Variants in NLGN4X observed in about 807,000 individuals in gnomAD.
NLGN4X encodes neuroligin-4, X-linked.
Under a neutral mutation model 40.3 loss-of-function variants are expected in NLGN4X, and 3 were observed. The observed-to-expected ratio is 0.07, with a 90% CI of 0.03 to 0.19. The LOEUF (loss-of-function observed/expected upper bound fraction) is 0.19, where lower values mean the gene tolerates loss of function less well. NLGN4X is among the 10% of genes least tolerant of loss of function. The pLI is 1.00. For missense variants in NLGN4X, 382 were observed against 708.3 expected (o/e 0.54, Z 5.23); for synonymous variants, 270 against 306.8 (o/e 0.88, Z 1.25).
intron 3 of NLGN4X, among the ~76,000 whole-genome samples, chrX:5,917,238 T>C (rs947134544): frequency 2.7e-5 from 3 of 112,469 alleles, no homozygotes; most frequent in Non-Finnish European, 5.6e-5. Context: ...CCAGCACCAT[T>C]TGAAAGGTCA....
At chrX:6,051,655 T>A (rs1201714997) in intron 2 of NLGN4X, among the ~76,000 whole-genome samples, 1 of 111,292 alleles carries the variant, frequency 9.0e-6, no homozygotes, top group African/African-American at 3.3e-5. Context: ...ATTTTGGTCT[T>A]CTGGCCTCCA....
intron 1 of NLGN4X, among the ~76,000 whole-genome samples, chrX:6,154,996 C>T (rs938217819): frequency 1.8e-5 from 2 of 111,572 alleles, no homozygotes; most frequent in Non-Finnish European, 3.8e-5. Context: ...TTTTAAGATA[C>T]GTATTTAATT....
Position 5,955,673 on chromosome X carries a change from AT to A in NLGN4X, c.626-46435del, listed in dbSNP as rs759973627. Among the ~76,000 whole-genome samples, 100 of 108,764 alleles carry A rather than the reference AT, an allele frequency of 9.2e-4. 1 individual carries two copies. The East Asian group carries it at 0.023, about 25-fold the overall frequency. 94.4% of individuals were successfully genotyped at this position (108,764 alleles called of 115,157 possible). On this transcript the variant is annotated intron_variant, in intron 3 of 5. Transcript: ENST00000381095. ...AGAACATTAACAAAATTTAAGAAGT[AT>A]TTTTTTTTCAGAAATGCATTGTATG...
Position 6,065,904 on chromosome X carries a change from T to C in NLGN4X, c.473-36472A>G, listed in dbSNP as rs184355725. Among the ~76,000 whole-genome samples, 135 of 112,033 alleles carry C rather than the reference T, an allele frequency of 1.2e-3. 1 individual carries two copies. The highest frequency in any genetic ancestry group is 4.2e-3 in the Admixed American group (44 of 10,531). ...TAAATCAAAAGCCCCGAGAAATGCA[T>C]GTCAAATATGTTTAACATTTAATTC... is the stretch of plus-strand genomic sequence containing the variant. On this transcript the variant is annotated intron_variant, in intron 2 of 5. Transcript: ENST00000381095.
At chrX:6,176,183 G>A (rs369844676) in intron 1 of NLGN4X, among the ~76,000 whole-genome samples, 230 of 111,757 alleles carry the variant, frequency 2.1e-3, no homozygotes, top group Middle Eastern at 0.019. Context: ...ATCCAGTTGA[G>A]TGGACAGTAA....
intron 3 of NLGN4X, among the ~76,000 whole-genome samples, chrX:5,976,972 A>G (rs1316585461): frequency 8.9e-6 from 1 of 112,390 alleles, no homozygotes; most frequent in Non-Finnish European, 1.9e-5. Flanking sequence ...CTTTCTCATG[A>G]GCATGAGGAA....
rs745738049 is a variant in NLGN4X at position 6,208,330 on chromosome X, C to A, written c.-306+20211G>T. 2.7e-5 allele frequency among the ~76,000 whole-genome samples: 3 copies of A among 112,295 alleles called. No homozygotes were observed. In the East Asian group the frequency reaches 8.4e-4, roughly 31 times the overall value. On this transcript the variant is annotated intron_variant, in intron 1 of 5. Coordinates refer to ENST00000381095, the MANE Select transcript of NLGN4X (RefSeq NM_181332.3). ...GATACTTATCAAGGATTTTCTTTTT[C>A]TTTATTTCCAGTCTTTGTTTTCTCG... is the stretch of plus-strand genomic sequence containing the variant.
At chrX:6,081,254 A>G (rs1338596333) in intron 2 of NLGN4X, among the ~76,000 whole-genome samples, 1 of 111,620 alleles carries the variant, frequency 9.0e-6, no homozygotes, top group East Asian at 2.8e-4. Flanking sequence ...TGCCACTGCA[A>G]TCCAGCCTGG....
chrX:5,900,560 CTTTTTTTTTT>C (rs1163973694), intron 5 of NLGN4X, among the ~76,000 whole-genome samples: 654 of 45,585 alleles, frequency 0.014, 13 homozygotes, highest in African/African-American at 0.048. Flanking sequence ...GTTTTTGGTG[CTTTTTTTTTT>C]TTTTTTTTTT....
chrX:6,117,146 C>A (rs1244783510), intron 2 of NLGN4X, among the ~76,000 whole-genome samples: 1 of 111,085 alleles, frequency 9.0e-6, no homozygotes, highest in Admixed American at 9.6e-5. Flanking sequence ...TGTATCCCAA[C>A]CCTACTCTTT....
chrX:6,014,736 A>C (rs1396289615), intron 3 of NLGN4X, among the ~76,000 whole-genome samples: 3 of 111,840 alleles, frequency 2.7e-5, no homozygotes, highest in Non-Finnish European at 5.6e-5. Context: ...TGGATTATGC[A>C]ACAACCTTCT....
At chrX:6,094,355 A>C (rs965555034) in intron 2 of NLGN4X, among the ~76,000 whole-genome samples, 3 of 110,889 alleles carry the variant, frequency 2.7e-5, no homozygotes, top group Non-Finnish European at 5.7e-5. Flanking sequence ...CTAAAGATGC[A>C]ATAGCAAGAT....
chrX:5,936,321 T>C (rs2033728547), intron 3 of NLGN4X, among the ~76,000 whole-genome samples: 1 of 111,751 alleles, frequency 8.9e-6, no homozygotes, highest in Non-Finnish European at 1.9e-5. Flanking sequence ...AAATACCAGA[T>C]AAACATTAAA....
chrX:6,158,904 T>C (rs1374937810), intron 1 of NLGN4X, among the ~76,000 whole-genome samples: 1 of 112,358 alleles, frequency 8.9e-6, no homozygotes, highest in Non-Finnish European at 1.9e-5. Context: ...GTGTTTGGTT[T>C]TCTGTTCCTG....
rs375738263 is a variant in NLGN4X, at chrX:6,041,034, G to A, written c.473-11602C>T. 4.5e-5 allele frequency among the ~76,000 whole-genome samples: 5 copies of A among 111,439 alleles called. No homozygotes were observed. In the Middle Eastern group the frequency reaches 0.014, roughly 305 times the overall value. ...CTGGATTTGCTTATTTGGACATTCC[G>A]GATGTGGGGGGTGACACACTGTCCT... is the stretch of plus-strand genomic sequence containing the variant. On this transcript the variant is annotated intron_variant, in intron 2 of 5. Transcript: ENST00000381095.
chrX:6,181,774 G>A (rs1385759240), intron 1 of NLGN4X, among the ~76,000 whole-genome samples: 2 of 112,342 alleles, frequency 1.8e-5, no homozygotes, highest in Non-Finnish European at 1.9e-5. Flanking sequence ...AAGTTTCGGA[G>A]GGGATATTCA....
intron 2 of NLGN4X, among the ~76,000 whole-genome samples, chrX:6,076,892 G>A (rs750803065): frequency 1.8e-5 from 2 of 112,305 alleles, no homozygotes; most frequent in South Asian, 3.7e-4. Context: ...GCTTCTCATG[G>A]TGTTTAGTGT....
intron 2 of NLGN4X, among the ~76,000 whole-genome samples, chrX:6,030,369 CGT>C (rs1389725735): frequency 3.0e-5 from 2 of 66,313 alleles, no homozygotes; most frequent in Non-Finnish European, 6.1e-5. Flanking sequence ...ACTGACCTCA[CGT>C]ATAAATATTT....
At chrX:6,142,632 T>C (rs1016707252) in intron 2 of NLGN4X, among the ~76,000 whole-genome samples, 2 of 112,441 alleles carry the variant, frequency 1.8e-5, no homozygotes, top group Admixed American at 1.9e-4. Flanking sequence ...ATTTTGTGAC[T>C]GTATGCGTAC....
Sources: allele counts gnomAD v4.1 joint callset (sites outside exome capture counted in the v4.1 genomes callset), GRCh38; gene constraint gnomAD v4.1.1; transcripts MANE v1.5; gene names NCBI Gene and HGNC (gene_info 2026-07-23, HGNC 2026-07-21).